The following PARN variants were observed in gnomAD, a reference collection of about 807,000 sequenced individuals.
PARN encodes the protein poly(A)-specific ribonuclease PARN.
Under a neutral mutation model 102.8 loss-of-function variants are expected in PARN, and 71 were observed. The observed-to-expected ratio is 0.69, with a 90% CI of 0.57 to 0.84. The LOEUF (loss-of-function observed/expected upper bound fraction) is 0.84. Ranked by LOEUF, PARN falls within the 40% of genes least tolerant of loss-of-function variation. The probability of loss-of-function intolerance (pLI) is 0.00; values close to 1 mark genes in which losing one functional copy is unlikely to be tolerated. For missense variants in PARN, 782 were observed against 760.9 expected, an observed-to-expected ratio of 1.03 and a Z score of -0.33; for synonymous variants, 261 against 252.9, an observed-to-expected ratio of 1.03 and a Z score of -0.30.
At chr16:14,455,846 C>T (rs191169475) in intron 22 of PARN, among the ~76,000 whole-genome samples, 1 of 152,340 alleles carries the variant, frequency 6.6e-6, no homozygotes, top group Non-Finnish European at 1.5e-5. Flanking sequence ...TCTCTGACTC[C>T]ATGTGTCGCT....
chr16:14,444,350 AT>A (rs1055197160), intron 23 of PARN, among the ~76,000 whole-genome samples: 8 of 148,946 alleles, frequency 5.4e-5, no homozygotes, highest in Middle Eastern at 3.4e-3. Flanking sequence ...AAAATCTACA[AT>A]TTTTTTTTTA....
intron 6 of PARN, among the ~76,000 whole-genome samples, chr16:14,614,182 A>G (rs983311816): frequency 5.9e-5 from 9 of 151,954 alleles, no homozygotes; most frequent in African/African-American, 2.2e-4. Flanking sequence ...ACTTGGGCCC[A>G]GGAGGTCAAG....
At chr16:14,487,037 C>CG (rs1032927564) in intron 21 of PARN, among the ~76,000 whole-genome samples, 5 of 152,234 alleles carry the variant, frequency 3.3e-5, no homozygotes, top group African/African-American at 1.2e-4. Context: ...CAGCACGGTC[C>CG]GGGGTGGTCC....
intron 22 of PARN, among the ~76,000 whole-genome samples, chr16:14,470,489 C>T (rs1962666251): frequency 6.6e-6 from 1 of 150,402 alleles, no homozygotes; most frequent in African/African-American, 2.5e-5. Flanking sequence ...CAGGGTCTCA[C>T]TCAGTCACCC....
At chr16:14,550,431 A>C (rs1967221696) in intron 21 of PARN, among the ~76,000 whole-genome samples, 1 of 152,186 alleles carries the variant, frequency 6.6e-6, no homozygotes, top group African/African-American at 2.4e-5. Context: ...ATCTCATGGA[A>C]TCCTTACAAT....
intron 5 of PARN, among the ~76,000 whole-genome samples, chr16:14,623,856 G>C (rs1352252192): frequency 6.7e-6 from 1 of 149,856 alleles, no homozygotes; most frequent in African/African-American, 2.4e-5. Context: ...AAAAAGAAAA[G>C]AAACACATCT....
At chr16:14,541,110 G>A (rs1053684369) in intron 21 of PARN, among the ~76,000 whole-genome samples, 6 of 151,460 alleles carry the variant, frequency 4.0e-5, no homozygotes, top group Non-Finnish European at 8.8e-5. Flanking sequence ...GGACATCATG[G>A]CGAAACATCT....
At chr16:14,451,867 TACAAAAA>T (rs1961467005) in intron 22 of PARN, among the ~76,000 whole-genome samples, 1 of 23,744 alleles carries the variant, frequency 4.2e-5, no homozygotes, top group Non-Finnish European at 7.5e-5. Flanking sequence ...AAAAAAAAAA[TACAAAAA>T]AAAAAAAAAA....
chr16:14,447,755 T>C (rs1172408190), intron 22 of PARN, among the ~76,000 whole-genome samples: 6 of 152,196 alleles, frequency 3.9e-5, no homozygotes. Flanking sequence ...ACATAGCCAG[T>C]GAGTCCTTTC....
chr16:14,570,815 CAAAAAAA>C lies in PARN; in HGVS notation c.1262+10052_1262+10058del, dbSNP rs761919651. ...CAACGTAATGAGGCCCCCACCTCTA[CAAAAAAA>C]AAAAAAAAAAAAAAAATTAGCCAGG... On this transcript the variant is annotated intron_variant, in intron 18 of 23. Coordinates refer to ENST00000437198, the MANE Select transcript of PARN (RefSeq NM_002582.4). Among the ~76,000 whole-genome samples the C allele has an allele frequency of 0.021, 809 of 38,742 alleles. 45 individuals are homozygous for C. The East Asian group carries it at 0.27, about 13-fold the overall frequency. The allele number at this position is 38,742 out of a possible 152,430, so 25.4% of individuals were successfully genotyped here.
intron 22 of PARN, among the ~76,000 whole-genome samples, chr16:14,469,738 T>C (rs1245620632): frequency 6.8e-6 from 1 of 148,026 alleles, no homozygotes; most frequent in African/African-American, 2.5e-5. Context: ...ACGAGGAAAA[T>C]GTTAAGGATT....
Position 14,629,972 on chromosome 16 carries a change from C to T in PARN, c.19+135G>A, listed in dbSNP as rs796196713. 23 of 800,330 alleles carry T rather than the reference C, an allele frequency of 2.9e-5. No homozygotes were observed. In the South Asian group the frequency reaches 3.2e-4, roughly 11 times the overall value. 49.6% of individuals were successfully genotyped at this position (800,330 alleles called of 1,614,324 possible). A position where few individuals can be genotyped will look rare whatever the true frequency, so the allele number is the denominator to read the frequency against. ...CCGGAAAAGACCCCAAGAGGCGCAC[C>T]GGCTTAAGGAGGGAAAAGCCCTGAG... On this transcript the variant is annotated intron_variant, in intron 1 of 23. Coordinates refer to ENST00000437198, the MANE Select transcript of PARN (RefSeq NM_002582.4).
intron 22 of PARN, among the ~76,000 whole-genome samples, chr16:14,476,238 C>A (rs1244754369): frequency 2.0e-5 from 3 of 152,076 alleles, no homozygotes; most frequent in African/African-American, 7.2e-5. Flanking sequence ...CCTCATATAT[C>A]AAAAATATTA....
chr16:14,561,319 C>A (rs183007795), intron 18 of PARN, among the ~76,000 whole-genome samples: 2 of 152,288 alleles, frequency 1.3e-5, no homozygotes, highest in Admixed American at 1.3e-4. Context: ...GGATCAGCAT[C>A]ACCTGGGAAC....
chr16:14,473,588 A>T (rs1310128259), intron 22 of PARN, among the ~76,000 whole-genome samples: 6 of 152,180 alleles, frequency 3.9e-5, no homozygotes, highest in Non-Finnish European at 8.8e-5. Flanking sequence ...CCCCAGAAAA[A>T]GCAAGACTAG....
chr16:14,454,249 G>C (rs12927188), intron 22 of PARN, among the ~76,000 whole-genome samples: 22,816 of 152,164 alleles, frequency 0.15, 1,752 homozygotes, highest in East Asian at 0.22. Flanking sequence ...GGGAGGCCAA[G>C]GTGGGCGGAT....
At chr16:14,604,292 CT>C (rs1971058761) in intron 10 of PARN, 66 bp from the exon 11 acceptor site, 1 of 1,012,130 alleles carries the variant, frequency 9.9e-7, no homozygotes, top group East Asian at 2.6e-5. Context: ...CAGAGTTTCG[CT>C]CTTGTTGCTC....
intron 6 of PARN, among the ~76,000 whole-genome samples, chr16:14,612,430 T>C (rs1375643959): frequency 6.6e-6 from 1 of 150,618 alleles, no homozygotes; most frequent in Non-Finnish European, 1.5e-5. Context: ...TGTGACACTG[T>C]CTCAAAAAAA....
At chr16:14,617,787 A>G (rs982128517) in intron 5 of PARN, 137 bp from the exon 6 acceptor site, 3 of 642,252 alleles carry the variant, frequency 4.7e-6, no homozygotes, top group Non-Finnish European at 5.7e-6. Flanking sequence ...CAATACAAGG[A>G]ATTTCTACTC....
Sources: allele counts gnomAD v4.1 joint callset (sites outside exome capture counted in the v4.1 genomes callset), GRCh38; gene constraint gnomAD v4.1.1; transcripts MANE v1.5; gene names NCBI Gene and HGNC (gene_info 2026-07-23, HGNC 2026-07-21).